Variants in CELF2 observed in about 807,000 individuals in gnomAD.
CELF2 encodes the protein CUGBP Elav-like family member 2, also known as CUG triplet repeat RNA-binding protein 2.
In CELF2, 8 loss-of-function variants were observed where a neutral mutation model predicts 62.6. The observed-to-expected ratio is 0.13, with a 90% confidence interval of 0.07 to 0.23. CELF2 has a LOEUF of 0.23. Among genes scored for constraint, CELF2 ranks in the 10% least tolerant of loss-of-function variants. The pLI, the probability that CELF2 is intolerant of heterozygous loss-of-function variation, is 1.00. For synonymous variants in CELF2, 258 were observed against 250.0 expected (o/e 1.03, Z -0.30); for missense variants, 333 against 671.0 (o/e 0.50, Z 5.56).
chr10:11,236,992 A>C (rs942039895), intron 3 of CELF2, among the ~76,000 whole-genome samples: 1 of 152,212 alleles, frequency 6.6e-6, no homozygotes, highest in African/African-American at 2.4e-5. Context: ...CTGGATATTA[A>C]TTTGGTAGAT....
chr10:10,838,467 C>T (rs1046788143), intron 1 of CELF2, among the ~76,000 whole-genome samples: 2 of 152,208 alleles, frequency 1.3e-5, no homozygotes, highest in Non-Finnish European at 2.9e-5. Flanking sequence ...TATGCTTCAC[C>T]TACTTCAGGG....
chr10:10,717,379 A>T, the CELF2 span, among the ~76,000 whole-genome samples: 109 of 142,716 alleles, frequency 7.6e-4, no homozygotes, highest in African/African-American at 2.0e-3. Context: ...GAAACTTATT[A>T]AAAAAAAAAA....
At chr10:10,749,528 C>G in the CELF2 span, among the ~76,000 whole-genome samples, 17 of 152,132 alleles carry the variant, frequency 1.1e-4, no homozygotes, top group African/African-American at 3.9e-4. Context: ...CTGATACAAT[C>G]TGAATGTCTC....
chr10:11,042,219 A>T (rs527414178), intron 1 of CELF2, among the ~76,000 whole-genome samples: 2 of 152,226 alleles, frequency 1.3e-5, no homozygotes, highest in Admixed American at 6.5e-5. Context: ...ATTCGACAGT[A>T]GACAGTATAT....
intron 1 of CELF2, among the ~76,000 whole-genome samples, chr10:11,029,947 TC>T (rs2059837426): frequency 6.6e-6 from 1 of 152,230 alleles, no homozygotes; most frequent in African/African-American, 2.4e-5. Context: ...CACACTTTTA[TC>T]TTGCCTCTCT....
the CELF2 span, among the ~76,000 whole-genome samples, chr10:10,662,434 C>T: frequency 1.3e-5 from 2 of 152,282 alleles, no homozygotes; most frequent in Middle Eastern, 3.4e-3. Flanking sequence ...TGACTTTGCA[C>T]CACAGAGACA....
intron 1 of CELF2, among the ~76,000 whole-genome samples, chr10:10,821,953 G>A (rs1176568671): frequency 1.3e-5 from 2 of 152,182 alleles, no homozygotes; most frequent in East Asian, 1.9e-4. Context: ...TAAAAGACAA[G>A]GATGATTTTA....
chr10:10,526,059 C>T, the CELF2 span, among the ~76,000 whole-genome samples: 2 of 152,158 alleles, frequency 1.3e-5, no homozygotes, highest in Non-Finnish European at 2.9e-5. Context: ...TTGCATCTCC[C>T]TGATGATTAG....
At chr10:10,740,667 C>A in the CELF2 span, among the ~76,000 whole-genome samples, 1 of 152,254 alleles carries the variant, frequency 6.6e-6, no homozygotes, top group African/African-American at 2.4e-5. Flanking sequence ...GATGTGGAAA[C>A]AACCTAGAGG....
the CELF2 span, among the ~76,000 whole-genome samples, chr10:10,506,198 G>A: frequency 6.6e-6 from 1 of 151,360 alleles, no homozygotes; most frequent in African/African-American, 2.4e-5. Context: ...AAAGATCATT[G>A]GAGCTTCTCT....
intron 1 of CELF2, among the ~76,000 whole-genome samples, chr10:11,160,005 C>G (rs1173556605): frequency 6.6e-6 from 1 of 152,214 alleles, no homozygotes; most frequent in Non-Finnish European, 1.5e-5. Context: ...CTCCAGGCTA[C>G]TCTCCATAGT....
chr10:11,239,926 G>A (rs1048546426), intron 3 of CELF2, among the ~76,000 whole-genome samples: 4 of 152,104 alleles, frequency 2.6e-5, no homozygotes, highest in East Asian at 1.9e-4. Context: ...TGGTGCAGGC[G>A]CCTGTAATCC....
chr10:10,811,291 C>T (rs1369031397), intron 1 of CELF2, among the ~76,000 whole-genome samples: 1 of 152,142 alleles, frequency 6.6e-6, no homozygotes, highest in Non-Finnish European at 1.5e-5. Context: ...GATGCACTTC[C>T]AGCATCAACA....
intron 1 of CELF2, among the ~76,000 whole-genome samples, chr10:10,882,342 A>G (rs1436698820): frequency 2.0e-5 from 3 of 152,238 alleles, no homozygotes; most frequent in African/African-American, 7.2e-5. Context: ...TGAAATTGCC[A>G]TCCAAGAGCA....
intron 1 of CELF2, among the ~76,000 whole-genome samples, chr10:11,067,107 T>C (rs2068380744): frequency 6.6e-6 from 1 of 152,190 alleles, no homozygotes. Context: ...TTTATGTCTT[T>C]TAGCGACATC....
upstream of CELF2, among the ~76,000 whole-genome samples, chr10:10,795,935 C>T (rs550510029): frequency 6.0e-4 from 92 of 152,172 alleles, no homozygotes; most frequent in African/African-American, 2.1e-3. Context: ...TCTTACCCAT[C>T]CCTATCCTGA....
the CELF2 span, among the ~76,000 whole-genome samples, chr10:10,571,348 G>T: frequency 6.6e-6 from 1 of 152,294 alleles, no homozygotes; most frequent in East Asian, 1.9e-4. Context: ...GGAAGGCACT[G>T]CAAGAAAGAT....
At chr10:10,500,286 A>T in the CELF2 span, among the ~76,000 whole-genome samples, 1 of 152,220 alleles carries the variant, frequency 6.6e-6, no homozygotes, top group Non-Finnish European at 1.5e-5. Context: ...GATGCTATGT[A>T]TTCCTACTAA....
At chr10:10,799,193 A>G (rs929706198) in intron 1 of CELF2, among the ~76,000 whole-genome samples, 1 of 152,140 alleles carries the variant, frequency 6.6e-6, no homozygotes, top group Non-Finnish European at 1.5e-5. Context: ...AGAAGAGCGA[A>G]ATTTGGCCAG....
Sources: gnomAD v4.1 joint callset for allele counts (sites outside exome capture counted in the v4.1 genomes callset) on GRCh38, gnomAD v4.1.1 for gene constraint, MANE v1.5 for transcripts, NCBI Gene and HGNC (gene_info 2026-07-23, HGNC 2026-07-21) for gene names.